Variants in TYW1 observed in about 807,000 individuals in gnomAD.
TYW1 encodes tRNA-yW synthesizing protein 1 homolog.
Under a neutral mutation model 96.2 loss-of-function variants are expected in TYW1, and 46 were observed. The ratio of observed to expected loss-of-function variants is 0.48; its 90% confidence interval spans 0.38 to 0.61. The LOEUF is 0.61. Among genes scored for constraint, TYW1 ranks in the 20% least tolerant of loss-of-function variants. TYW1 has a pLI of 0.00. For missense variants in TYW1, 684 were observed against 909.6 expected (o/e 0.75, Z 3.19); for synonymous variants, 274 against 323.0 (o/e 0.85, Z 1.63).
intron 13 of TYW1, among the ~76,000 whole-genome samples, chr7:67,128,820 C>G (rs917519718): frequency 6.6e-6 from 1 of 151,732 alleles, no homozygotes; most frequent in African/African-American, 2.4e-5. Flanking sequence ...TTCCAAGTAG[C>G]TAGGATTACA....
rs370951977 is a variant in TYW1, at chr7:67,014,428, A to G, written c.437A>G (p.Glu146Gly). Reference protein sequence around the residue: ...VATYTDGLPTESAEWFCKWLE... With the variant: ...VATYTDGLPTGSAEWFCKWLE... ...ACATACACTGACGGCCTACCAACTG[A>G]AAGTGCAGAGTGGTTCTGCAAATGG... The change falls in exon 5 of 16, where the codon GAA becomes GGA. Residue 146 changes from glutamate to glycine, a missense_variant. Transcript: ENST00000359626. The G allele has an allele frequency of 1.9e-6, 3 of 1,613,780 alleles. No individual in the cohort carries two copies. The highest frequency in any genetic ancestry group is 1.3e-5 in the African/African-American group (1 of 74,916).
At chr7:67,029,250 G>A (rs1397975156) in intron 7 of TYW1, among the ~76,000 whole-genome samples, 2 of 151,808 alleles carry the variant, frequency 1.3e-5, no homozygotes, top group East Asian at 1.9e-4. Context: ...CTCCCAAAGT[G>A]CTGGGATTAC....
At chr7:67,164,588 G>T (rs1799263567) in intron 13 of TYW1, among the ~76,000 whole-genome samples, 1 of 147,780 alleles carries the variant, frequency 6.8e-6, no homozygotes, top group Non-Finnish European at 1.5e-5. Flanking sequence ...TCCAGCCTGG[G>T]CAACAGAGCA....
chr7:67,009,508 T>C, intron 3 of TYW1, 75 bp from the exon 4 acceptor site: 3 of 1,318,522 alleles, frequency 2.3e-6, no homozygotes, highest in Non-Finnish European at 2.1e-6. Context: ...GCCACATTCT[T>C]GTGCCAACAG....
intron 13 of TYW1, among the ~76,000 whole-genome samples, chr7:67,136,485 T>G (rs1798258293): frequency 6.6e-6 from 1 of 151,580 alleles, no homozygotes; most frequent in Non-Finnish European, 1.5e-5. Context: ...ATTGGCTTTT[T>G]TTTCACATGA....
At chr7:67,235,399 C>A (rs1211707588) in intron 15 of TYW1, among the ~76,000 whole-genome samples, 3 of 152,180 alleles carry the variant, frequency 2.0e-5, no homozygotes, top group Non-Finnish European at 4.4e-5. Flanking sequence ...GACTGTCATG[C>A]ATGTTGAATT....
At chr7:67,023,450 CAAAG>C (rs1458108371) in intron 6 of TYW1, among the ~76,000 whole-genome samples, 2 of 152,050 alleles carry the variant, frequency 1.3e-5, no homozygotes. Flanking sequence ...CTGTTGAAAA[CAAAG>C]AACTACTTCA....
At chr7:67,018,977 A>AAAAAAAAAAAAC (rs1562968206) in intron 6 of TYW1, among the ~76,000 whole-genome samples, 1 of 100,422 alleles carries the variant, frequency 1.0e-5, no homozygotes. Flanking sequence ...AAAAAAAGAA[A>AAAAAAAAAAAAC]AAAACAAAAT....
At chr7:67,090,149 A>G (rs1303600507) in intron 11 of TYW1, among the ~76,000 whole-genome samples, 1 of 152,218 alleles carries the variant, frequency 6.6e-6, no homozygotes, top group African/African-American at 2.4e-5. Flanking sequence ...AGGTATGCTA[A>G]CATACACATC....
intron 13 of TYW1, among the ~76,000 whole-genome samples, chr7:67,139,252 A>G (rs972643510): frequency 6.6e-5 from 10 of 152,110 alleles, no homozygotes; most frequent in South Asian, 2.1e-4. Context: ...GGGTTTCACT[A>G]TGTTGGCCAG....
chr7:67,130,251 G>A (rs1798026260), intron 13 of TYW1, among the ~76,000 whole-genome samples: 1 of 151,782 alleles, frequency 6.6e-6, no homozygotes, highest in Admixed American at 6.6e-5. Context: ...TGTGGTGGTG[G>A]GTACCTGTAA....
chr7:67,186,287 C>CA (rs77430931), intron 14 of TYW1, among the ~76,000 whole-genome samples: 1 of 94,970 alleles, frequency 1.1e-5, no homozygotes, highest in Non-Finnish European at 2.0e-5. Flanking sequence ...CACCTCTCCC[C>CA]CCTCCTTTCT....
intron 3 of TYW1, among the ~76,000 whole-genome samples, chr7:67,004,296 G>A (rs1048620636): frequency 2.0e-4 from 30 of 152,230 alleles, no homozygotes; most frequent in African/African-American, 6.7e-4. Flanking sequence ...TGGGCCTAAT[G>A]GGAGGTGTTT....
In TYW1 at chr7:67,195,028, C is replaced by T. The variant is rs180964208; in HGVS notation, c.1810-142C>T. On this transcript the variant is annotated intron_variant, in intron 14 of 15. Transcript: ENST00000359626. Reference sequence around the variant, plus strand: ...TGGTCTCCTAGGCAGATTTTATCATCTCTATATTCACTTCCTTCACTGTAA... The same window carrying T: ...TGGTCTCCTAGGCAGATTTTATCATTTCTATATTCACTTCCTTCACTGTAA... 657 of 915,848 alleles carry T rather than the reference C, an allele frequency of 7.2e-4. 6 individuals carry two copies. In the African/African-American group the frequency reaches 9.5e-3, roughly 13 times the overall value. The allele number at this position is 915,848 out of a possible 1,614,324, so 56.7% of individuals were successfully genotyped here.
chr7:67,027,659 G>A (rs758717177), intron 7 of TYW1, among the ~76,000 whole-genome samples: 38 of 152,108 alleles, frequency 2.5e-4, no homozygotes, highest in Non-Finnish European at 3.8e-4. Flanking sequence ...CTGCAGGCGC[G>A]GTGGCTCACA....
rs1257176271 is a variant in TYW1 at position 67,239,408 on chromosome 7, T to C, written c.*879T>C. ...ATCTGTTCTATAAGGTTCAGGTGTT[T>C]TCAAGTTGGAAAGATCATAAATACT... On this transcript the variant is annotated 3_prime_UTR_variant, in exon 16 of 16. Coordinates refer to ENST00000359626, the MANE Select transcript of TYW1 (RefSeq NM_018264.4). The C allele has an allele frequency of 4.1e-6, 4 of 984,138 alleles. No individual in the cohort carries two copies. Among genetic ancestry groups the C allele is most frequent in the Non-Finnish European group, 4.8e-6 (4 of 828,828 alleles). 61.0% of individuals were successfully genotyped at this position (984,138 alleles called of 1,614,324 possible).
chr7:67,026,949 A>T lies in TYW1; in HGVS notation c.984+1927A>T, dbSNP rs1346542388. On this transcript the variant is annotated intron_variant, in intron 7 of 15. Coordinates refer to ENST00000359626, the MANE Select transcript of TYW1 (RefSeq NM_018264.4). ...CAGTGGCTCACCCTGTAATCCCAGC[A>T]CTTTGGGAGGCTGACGTGATGGGAG... Among the ~76,000 whole-genome samples, 7 of 152,260 alleles carry T rather than the reference A, an allele frequency of 4.6e-5. No individual in the cohort carries two copies. The East Asian group carries it at 1.3e-3, about 29-fold the overall frequency.
At position 67,233,861 on chromosome 7, in the gene TYW1, T is replaced by C. The variant is rs2421387; in HGVS notation, c.1978-4447T>C. 1.0e-4 allele frequency among the ~76,000 whole-genome samples: 14 copies of C among 135,968 alleles called. 4 individuals carry two copies. The highest frequency in any genetic ancestry group is 3.5e-4 in the African/African-American group (12 of 34,044). 89.2% of individuals were successfully genotyped at this position (135,968 alleles called of 152,430 possible). On this transcript the variant is annotated intron_variant, in intron 15 of 15. Coordinates refer to ENST00000359626, the MANE Select transcript of TYW1 (RefSeq NM_018264.4). ...CAGTTTTGTCTTTTGGGTCTAGTGGTTCTGTTCATTTCAGAATAACTTACT... is the reference window on the plus strand; with the variant it reads ...CAGTTTTGTCTTTTGGGTCTAGTGGCTCTGTTCATTTCAGAATAACTTACT...
intron 12 of TYW1, among the ~76,000 whole-genome samples, chr7:67,099,710 A>C (rs970455992): frequency 1.3e-5 from 2 of 152,186 alleles, no homozygotes; most frequent in African/African-American, 4.8e-5. Flanking sequence ...GTCTTAAAAA[A>C]GATGCTGTTA....
Sources: allele counts gnomAD v4.1 joint callset (sites outside exome capture counted in the v4.1 genomes callset), GRCh38; gene constraint gnomAD v4.1.1; transcripts MANE v1.5; gene names NCBI Gene and HGNC (gene_info 2026-07-23, HGNC 2026-07-21).